The following PTPN12 variants were observed in gnomAD, a reference collection of about 807,000 sequenced individuals.
PTPN12 encodes the protein protein tyrosine phosphatase non-receptor type 12.
Under a neutral mutation model 97.6 loss-of-function variants are expected in PTPN12, and 29 were observed. That is an observed-to-expected ratio of 0.30 (90% CI 0.22 to 0.41). The LOEUF (loss-of-function observed/expected upper bound fraction) is 0.41. Among genes scored for constraint, PTPN12 ranks in the 10% least tolerant of loss-of-function variants. PTPN12 has a pLI of 1.00. For synonymous variants in PTPN12, 327 were observed against 300.4 expected (o/e 1.09, Z -0.91); for missense variants, 819 against 926.0 (o/e 0.88, Z 1.50).
At chr7:77,636,228 T>G (rs1789585329) in intron 15 of PTPN12, among the ~76,000 whole-genome samples, 1 of 152,020 alleles carries the variant, frequency 6.6e-6, no homozygotes, top group Non-Finnish European at 1.5e-5. Context: ...CATAGTCGCT[T>G]CTTTTGTTTT....
intron 2 of PTPN12, among the ~76,000 whole-genome samples, chr7:77,573,756 G>A (rs1032786463): frequency 6.6e-6 from 1 of 152,130 alleles, no homozygotes. Flanking sequence ...TTCATATGAT[G>A]TTTCATTTTC....
intron 5 of PTPN12, among the ~76,000 whole-genome samples, chr7:77,589,726 C>G (rs1215988347): frequency 6.6e-6 from 1 of 151,930 alleles, no homozygotes; most frequent in African/African-American, 2.4e-5. Context: ...ATTAAGTAAT[C>G]AAGTTATCTA....
chr7:77,541,175 C>T (rs145185474), intron 1 of PTPN12, among the ~76,000 whole-genome samples: 197 of 152,288 alleles, frequency 1.3e-3, no homozygotes, highest in African/African-American at 4.4e-3. Flanking sequence ...ACGGCAGCGT[C>T]GGTCTCCCTG....
intron 2 of PTPN12, among the ~76,000 whole-genome samples, chr7:77,572,869 G>A (rs1343122933): frequency 6.6e-6 from 1 of 151,990 alleles, no homozygotes; most frequent in Non-Finnish European, 1.5e-5. Context: ...TGGATCACGA[G>A]GTCAGGAGTT....
intron 8 of PTPN12, 135 bp downstream of exon 8, chr7:77,600,941 T>C: frequency 2.8e-6 from 2 of 716,566 alleles, no homozygotes; most frequent in Non-Finnish European, 4.4e-6. Context: ...TAGGGCCTTG[T>C]AAGTTGATGT....
chr7:77,636,062 A>C (rs1008301400), intron 15 of PTPN12, among the ~76,000 whole-genome samples: 1 of 152,156 alleles, frequency 6.6e-6, no homozygotes, highest in Non-Finnish European at 1.5e-5. Flanking sequence ...TCTACATACA[A>C]CTATCACTTT....
At chr7:77,621,150 G>A (rs1378886120) in intron 12 of PTPN12, among the ~76,000 whole-genome samples, 2 of 151,016 alleles carry the variant, frequency 1.3e-5, no homozygotes, top group African/African-American at 4.9e-5. Context: ...TTAAAAATAA[G>A]ACACACACAC....
At chr7:77,546,459 A>C (rs1251339400) in intron 1 of PTPN12, among the ~76,000 whole-genome samples, 2 of 152,158 alleles carry the variant, frequency 1.3e-5, no homozygotes, top group Non-Finnish European at 2.9e-5. Context: ...AGCATTTTAT[A>C]TTTCCTGTAG....
chr7:77,550,872 C>G (rs1164137237), intron 1 of PTPN12, among the ~76,000 whole-genome samples: 3 of 152,158 alleles, frequency 2.0e-5, no homozygotes, highest in Non-Finnish European at 4.4e-5. Flanking sequence ...GAAACTGTTG[C>G]CATGAGCTTT....
At chr7:77,566,917 A>G (rs551740679) in intron 1 of PTPN12, among the ~76,000 whole-genome samples, 1 of 152,162 alleles carries the variant, frequency 6.6e-6, no homozygotes, top group South Asian at 2.1e-4. Context: ...CTTTAGGATT[A>G]TATGAAATAA....
chr7:77,588,856 T>G (rs992280707), intron 5 of PTPN12, among the ~76,000 whole-genome samples: 3 of 152,050 alleles, frequency 2.0e-5, no homozygotes, highest in Non-Finnish European at 4.4e-5. Flanking sequence ...AATATATGGT[T>G]TGAATTTTTG....
chr7:77,623,659 A>G (rs1360661515), intron 12 of PTPN12, among the ~76,000 whole-genome samples: 2 of 152,232 alleles, frequency 1.3e-5, no homozygotes, highest in African/African-American at 4.8e-5. Flanking sequence ...GGTTGCAGTA[A>G]GCTGAGATTG....
At chr7:77,631,584 A>G (rs542951465) in intron 13 of PTPN12, among the ~76,000 whole-genome samples, 39 of 152,228 alleles carry the variant, frequency 2.6e-4, no homozygotes, top group African/African-American at 8.9e-4. Context: ...GATCAAATAC[A>G]CTCATTTACC....
intron 9 of PTPN12, among the ~76,000 whole-genome samples, chr7:77,608,081 A>G (rs944856256): frequency 1.3e-5 from 2 of 152,140 alleles, no homozygotes; most frequent in Admixed American, 6.6e-5. Flanking sequence ...TACTCTAGGT[A>G]TAAGTGTATT....
intron 7 of PTPN12, among the ~76,000 whole-genome samples, chr7:77,599,931 T>A (rs185068508): frequency 3.2e-4 from 48 of 152,326 alleles, no homozygotes; most frequent in African/African-American, 1.1e-3. Flanking sequence ...TTCTGGGGGT[T>A]GTATCTTTCA....
chr7:77,622,041 C>T (rs1301736702), intron 12 of PTPN12, among the ~76,000 whole-genome samples: 2 of 152,198 alleles, frequency 1.3e-5, no homozygotes, highest in Admixed American at 1.3e-4. Flanking sequence ...TGGCTCACTG[C>T]AGCCTCGACC....
intron 2 of PTPN12, among the ~76,000 whole-genome samples, chr7:77,577,886 C>CA (rs1324770278): frequency 6.6e-6 from 1 of 152,036 alleles, no homozygotes; most frequent in African/African-American, 2.4e-5. Context: ...TTGCTTTCCC[C>CA]AGCTGTTGAA....
chr7:77,587,451 A>G (rs1787728126), intron 5 of PTPN12, among the ~76,000 whole-genome samples: 1 of 152,010 alleles, frequency 6.6e-6, no homozygotes, highest in Non-Finnish European at 1.5e-5. Flanking sequence ...TGCAATAGGG[A>G]TGGGCTGGGG....
At chr7:77,574,111 A>T (rs1472812477) in intron 2 of PTPN12, among the ~76,000 whole-genome samples, 1 of 152,208 alleles carries the variant, frequency 6.6e-6, no homozygotes, top group Non-Finnish European at 1.5e-5. Context: ...TGTGGAGCTT[A>T]TATGTTAGTC....
Sources: allele counts gnomAD v4.1 joint callset (sites outside exome capture counted in the v4.1 genomes callset), GRCh38; gene constraint gnomAD v4.1.1; transcripts MANE v1.5; gene names NCBI Gene and HGNC (gene_info 2026-07-23, HGNC 2026-07-21).